The following RBFOX1 variants were observed in gnomAD, a reference collection of about 807,000 sequenced individuals.
RBFOX1 encodes the protein RNA binding fox-1 homolog 1.
Under a neutral mutation model 57.7 loss-of-function variants are expected in RBFOX1, and 8 were observed. The observed-to-expected ratio is 0.14, with a 90% CI of 0.08 to 0.25. The LOEUF is 0.25. Among genes scored for constraint, RBFOX1 ranks in the 10% least tolerant of loss-of-function variants. RBFOX1 has a pLI of 1.00. For missense variants in RBFOX1, 611 were observed against 548.5 expected, an observed-to-expected ratio of 1.11 and a Z score of -1.14; for synonymous variants, 326 against 222.4, an observed-to-expected ratio of 1.47 and a Z score of -4.15.
chr16:5,532,183 T>C (rs1400460546), intron 2 of RBFOX1, among the ~76,000 whole-genome samples: 2 of 152,182 alleles, frequency 1.3e-5, no homozygotes, highest in East Asian at 3.9e-4. Flanking sequence ...TTGGTCATGG[T>C]TGGGGTTGTC....
chr16:6,527,621 G>C (rs1451423260), intron 2 of RBFOX1, among the ~76,000 whole-genome samples: 1 of 152,108 alleles, frequency 6.6e-6, no homozygotes, highest in African/African-American at 2.4e-5. Flanking sequence ...CAATGATGTG[G>C]AAACCCCCTT....
intron 1 of RBFOX1, among the ~76,000 whole-genome samples, chr16:6,316,374 C>T (rs1371186041): frequency 1.3e-5 from 2 of 152,128 alleles, no homozygotes; most frequent in Non-Finnish European, 2.9e-5. Flanking sequence ...TGATGATAGC[C>T]ATATTTATGA....
intron 1 of RBFOX1, among the ~76,000 whole-genome samples, chr16:6,035,005 C>G (rs2095346938): frequency 9.9e-6 from 1 of 101,386 alleles, no homozygotes; most frequent in South Asian, 2.9e-4. Context: ...TAATGTCAAC[C>G]CGATTGTGCT....
At chr16:6,224,293 G>C (rs2097399775) in intron 1 of RBFOX1, among the ~76,000 whole-genome samples, 1 of 151,658 alleles carries the variant, frequency 6.6e-6, no homozygotes, top group South Asian at 2.1e-4. Flanking sequence ...AAATTACCTT[G>C]GGCAGTATGG....
chr16:7,029,077 TATATACACACACACACACAC>T lies in RBFOX1; in HGVS notation c.-15-22978_-15-22959del, dbSNP rs1342392637. ...ATATATATATATATATATATATATA[TATATACACACACACACACAC>T]ACACACACACACACACACACACACA... On this transcript the variant is annotated intron_variant, in intron 3 of 15. Coordinates refer to ENST00000550418, the MANE Select transcript of RBFOX1 (RefSeq NM_018723.4). Among the ~76,000 whole-genome samples, 2 of 44,572 alleles carry T rather than the reference TATATACACACACACACACAC, an allele frequency of 4.5e-5. 1 individual carries two copies. The highest frequency in any genetic ancestry group is 5.2e-4 in the African/African-American group (2 of 3,854). The allele number at this position is 44,572 out of a possible 152,430, so 29.2% of individuals were successfully genotyped here.
chr16:7,483,939 C>G (rs896290148), intron 4 of RBFOX1, among the ~76,000 whole-genome samples: 4 of 152,206 alleles, frequency 2.6e-5, no homozygotes, highest in African/African-American at 9.6e-5. Flanking sequence ...TATACAATCT[C>G]ACAGTCTCCA....
At chr16:6,570,070 A>G (rs2097324093) in intron 2 of RBFOX1, among the ~76,000 whole-genome samples, 1 of 152,206 alleles carries the variant, frequency 6.6e-6, no homozygotes, top group South Asian at 2.1e-4. Flanking sequence ...CGCTTGAAGT[A>G]TTCTTTCATG....
Position 7,026,703 on chromosome 16 carries a change from G to A in RBFOX1, c.-15-25354G>A, listed in dbSNP as rs369780221. On this transcript the variant is annotated intron_variant, in intron 3 of 15. Transcript: ENST00000550418. Reference sequence around the variant, plus strand: ...TACCTCTCAGGTCGGGTGACTTACTGTGCCTCTGAACCCTCTTTCTTCCAT... The same window carrying A: ...TACCTCTCAGGTCGGGTGACTTACTATGCCTCTGAACCCTCTTTCTTCCAT... Among the ~76,000 whole-genome samples, 5 of 152,236 alleles carry A rather than the reference G, an allele frequency of 3.3e-5. No homozygotes were observed. The East Asian group carries it at 5.8e-4, about 18-fold the overall frequency.
chr16:6,799,375 TA>T (rs2084830157), intron 3 of RBFOX1, among the ~76,000 whole-genome samples: 1 of 152,110 alleles, frequency 6.6e-6, no homozygotes, highest in African/African-American at 2.4e-5. Flanking sequence ...TAAAAAAAGG[TA>T]AAAACTGCAT....
intron 3 of RBFOX1, among the ~76,000 whole-genome samples, chr16:5,736,104 C>T (rs1401816265): frequency 1.3e-5 from 2 of 152,060 alleles, no homozygotes; most frequent in Non-Finnish European, 2.9e-5. Context: ...TCCTTCTTTA[C>T]TGGCTGCGAT....
At chr16:5,429,393 G>C (rs778206995) in intron 1 of RBFOX1, among the ~76,000 whole-genome samples, 60 of 152,198 alleles carry the variant, frequency 3.9e-4, no homozygotes, top group Non-Finnish European at 1.0e-4. Flanking sequence ...CCTTAGGCGG[G>C]ACTCGGGGGA....
chr16:6,257,442 G>A (rs544564094), intron 1 of RBFOX1, among the ~76,000 whole-genome samples: 1 of 151,506 alleles, frequency 6.6e-6, no homozygotes, highest in East Asian at 1.9e-4. Flanking sequence ...AAACTTTTAA[G>A]TTCAGGGGCA....
intron 2 of RBFOX1, among the ~76,000 whole-genome samples, chr16:6,375,543 G>T (rs1399782765): frequency 1.3e-5 from 2 of 151,858 alleles, no homozygotes; most frequent in Non-Finnish European, 2.9e-5. Flanking sequence ...TTTCTCTTTC[G>T]GCTCATTTGA....
At chr16:5,851,275 A>G (rs1207145785) in intron 3 of RBFOX1, among the ~76,000 whole-genome samples, 1 of 152,180 alleles carries the variant, frequency 6.6e-6, no homozygotes, top group African/African-American at 2.4e-5. Context: ...ATCACGTCCT[A>G]TCTGGAGACA....
chr16:6,365,493 T>A (rs560770817), intron 2 of RBFOX1, among the ~76,000 whole-genome samples: 24 of 152,278 alleles, frequency 1.6e-4, no homozygotes, highest in Middle Eastern at 3.4e-3. Flanking sequence ...GGTGTATGGA[T>A]ACCTTGGATA....
chr16:6,422,100 G>A (rs802315), intron 2 of RBFOX1, among the ~76,000 whole-genome samples: 89,703 of 151,236 alleles, frequency 0.59, 27,383 homozygotes, highest in African/African-American at 0.75. Context: ...TTTGTATTTT[G>A]TTAGTAGAGA....
intron 3 of RBFOX1, chr16:5,610,652 G>C (rs186495664): frequency 1.3e-3 from 199 of 151,988 alleles, no homozygotes; most frequent in African/African-American, 4.4e-3. Flanking sequence ...GATCAGCCTG[G>C]GAAACATAGG....
intron 4 of RBFOX1, among the ~76,000 whole-genome samples, chr16:7,509,412 GTGTGTGTGTGTGTGTGTGTC>G (rs919976275): frequency 1.1e-4 from 17 of 150,142 alleles, no homozygotes; most frequent in African/African-American, 4.3e-4. Flanking sequence ...GTGTGTGTGT[GTGTGTGTGTGTGTGTGTGTC>G]TGTGTCTGTG....
At chr16:6,489,480 A>C (rs1039877541) in intron 2 of RBFOX1, among the ~76,000 whole-genome samples, 1 of 152,144 alleles carries the variant, frequency 6.6e-6, no homozygotes, top group African/African-American at 2.4e-5. Context: ...GAAGTTGAGT[A>C]ATCTGTATGA....
Sources: gnomAD v4.1 joint callset for allele counts (sites outside exome capture counted in the v4.1 genomes callset) on GRCh38, gnomAD v4.1.1 for gene constraint, MANE v1.5 for transcripts, NCBI Gene and HGNC (gene_info 2026-07-23, HGNC 2026-07-21) for gene names.